CALN1: variants seen among roughly 807,000 people sequenced by gnomAD.
The protein encoded by CALN1 is calneuron 1, also known as calcium-binding protein 8.
In CALN1, 17 loss-of-function variants were observed where a neutral mutation model predicts 30.6. That is an observed-to-expected ratio of 0.56 (90% CI 0.38 to 0.83). CALN1 has a LOEUF of 0.83. Among genes scored for constraint, CALN1 ranks in the 40% least tolerant of loss-of-function variants. The pLI is 0.00. For synonymous variants in CALN1, 156 were observed against 131.4 expected (o/e 1.19, Z -1.28); for missense variants, 291 against 354.9 (o/e 0.82, Z 1.45).
intron 3 of CALN1, among the ~76,000 whole-genome samples, chr7:72,118,171 A>T (rs1399992972): frequency 6.6e-6 from 1 of 152,116 alleles, no homozygotes; most frequent in East Asian, 1.9e-4. Flanking sequence ...TTAAAACATG[A>T]ATCTGACTCC....
chr7:72,139,236 C>A (rs1017403803), intron 3 of CALN1, among the ~76,000 whole-genome samples: 2 of 152,180 alleles, frequency 1.3e-5, no homozygotes, highest in Non-Finnish European at 2.9e-5. Context: ...AGAACTGGGC[C>A]ATGTACACCT....
At chr7:71,904,866 G>C (rs903814958) in intron 5 of CALN1, among the ~76,000 whole-genome samples, 1 of 152,094 alleles carries the variant, frequency 6.6e-6, no homozygotes, top group African/African-American at 2.4e-5. Context: ...TCATATTTCT[G>C]TGGAATGTGT....
At chr7:71,790,129 G>GAAGA (rs1793236868) in intron 6 of CALN1, among the ~76,000 whole-genome samples, 1 of 134,684 alleles carries the variant, frequency 7.4e-6, no homozygotes, top group South Asian at 2.4e-4. Context: ...AGAGAAGAAA[G>GAAGA]AAGAAAGAAG....
chr7:72,206,346 A>G (rs1585162392), intron 3 of CALN1, among the ~76,000 whole-genome samples: 1 of 152,138 alleles, frequency 6.6e-6, no homozygotes. Context: ...AATAACTTTT[A>G]GTTTCTTGTC....
At chr7:71,936,950 G>A (rs926164751) in intron 5 of CALN1, among the ~76,000 whole-genome samples, 1 of 151,866 alleles carries the variant, frequency 6.6e-6, no homozygotes, top group African/African-American at 2.4e-5. Flanking sequence ...CATATAAGAA[G>A]TGCCTTTCAT....
intron 3 of CALN1, among the ~76,000 whole-genome samples, chr7:72,274,644 C>A (rs1797222023): frequency 6.6e-6 from 1 of 152,044 alleles, no homozygotes; most frequent in Non-Finnish European, 1.5e-5. Flanking sequence ...GCTAATAAAT[C>A]TGGTATATGC....
At chr7:72,449,874 C>CAAAAAA (rs71069071), upstream of CALN1, among the ~76,000 whole-genome samples, 16 of 52,370 alleles carry the variant, frequency 3.1e-4, no homozygotes, top group Non-Finnish European at 5.4e-4. Context: ...GACTCCGTCT[C>CAAAAAA]AAAAAAAAAA....
Position 71,956,491 on chromosome 7 carries a change from CTT to C in CALN1, c.501+67164_501+67165del, listed in dbSNP as rs11414863. On this transcript the variant is annotated intron_variant, in intron 5 of 6. Transcript: ENST00000395275. The stretch of plus-strand genomic sequence containing the variant: ...ATTATTATTATTTTTGTTCTGATAA[CTT>C]TTTTTTTTTTTTAAACAGAGGGAGG... 9.9e-5 allele frequency among the ~76,000 whole-genome samples: 14 copies of C among 141,010 alleles called. No homozygotes were observed. The South Asian group carries it at 2.5e-3, about 25-fold the overall frequency. 92.5% of individuals were successfully genotyped at this position (141,010 alleles called of 152,430 possible). A position where few individuals can be genotyped will look rare whatever the true frequency, so the allele number is the denominator to read the frequency against.
intron 5 of CALN1, among the ~76,000 whole-genome samples, chr7:71,892,873 C>T (rs774490488): frequency 1.4e-4 from 22 of 152,122 alleles, no homozygotes; most frequent in East Asian, 1.4e-3. Flanking sequence ...TAATAAATGA[C>T]GTGAGAACCA....
chr7:72,499,245 G>A, the CALN1 span, among the ~76,000 whole-genome samples: 1 of 152,000 alleles, frequency 6.6e-6, no homozygotes, highest in Non-Finnish European at 1.5e-5. Flanking sequence ...TGGCCAAGCT[G>A]GTCTCAAACT....
chr7:72,356,441 T>TA (rs1277164897), intron 2 of CALN1, among the ~76,000 whole-genome samples: 1 of 151,974 alleles, frequency 6.6e-6, no homozygotes, highest in East Asian at 1.9e-4. Context: ...CAACTTTAGA[T>TA]ACAACTTGTA....
chr7:72,457,932 T>A, the CALN1 span, among the ~76,000 whole-genome samples: 4 of 150,836 alleles, frequency 2.7e-5, no homozygotes, highest in African/African-American at 9.8e-5. Context: ...CTTTTTGTAT[T>A]TTTTGTAGAG....
chr7:72,399,270 C>CTGT (rs1554400501), intron 2 of CALN1, among the ~76,000 whole-genome samples: 1 of 106,778 alleles, frequency 9.4e-6, no homozygotes, highest in African/African-American at 3.8e-5. Context: ...TAACCTATTG[C>CTGT]TTTTTTTTTT....
At chr7:72,352,962 T>C (rs1422634123) in intron 2 of CALN1, among the ~76,000 whole-genome samples, 2 of 152,210 alleles carry the variant, frequency 1.3e-5, no homozygotes, top group East Asian at 1.9e-4. Flanking sequence ...TATAAAGCAA[T>C]GTTATGACAA....
the CALN1 span, among the ~76,000 whole-genome samples, chr7:72,487,822 GAAAA>G: frequency 1.6e-5 from 2 of 127,318 alleles, no homozygotes; most frequent in African/African-American, 6.0e-5. Flanking sequence ...GAGAGAAAGA[GAAAA>G]AGAAAGAAAG....
intron 6 of CALN1, among the ~76,000 whole-genome samples, chr7:71,797,388 T>A (rs1330980937): frequency 6.6e-6 from 1 of 152,226 alleles, no homozygotes; most frequent in Admixed American, 6.5e-5. Context: ...TTTATGATTC[T>A]ATGAAATTGG....
chr7:72,408,895 C>T (rs190699407), intron 1 of CALN1, among the ~76,000 whole-genome samples: 2 of 151,748 alleles, frequency 1.3e-5, no homozygotes, highest in African/African-American at 4.8e-5. Context: ...CCAGGTTGGT[C>T]TCAAACTCTT....
At chr7:71,824,881 A>C (rs886818237) in intron 5 of CALN1, among the ~76,000 whole-genome samples, 2 of 152,076 alleles carry the variant, frequency 1.3e-5, no homozygotes, top group African/African-American at 4.8e-5. Context: ...GGGTCTCCTG[A>C]TGGGGTCTTG....
At chr7:72,501,789 G>T in the CALN1 span, among the ~76,000 whole-genome samples, 1 of 149,020 alleles carries the variant, frequency 6.7e-6, no homozygotes, top group South Asian at 2.1e-4. Flanking sequence ...GGCGCCTGTA[G>T]TCCCAGCTAC....
Sources: gnomAD v4.1 joint callset for allele counts (sites outside exome capture counted in the v4.1 genomes callset) on GRCh38, gnomAD v4.1.1 for gene constraint, MANE v1.5 for transcripts, NCBI Gene and HGNC (gene_info 2026-07-23, HGNC 2026-07-21) for gene names.